The following SCN8A variants were observed in gnomAD, a reference collection of about 807,000 sequenced individuals.
SCN8A encodes the protein sodium channel protein type 8 subunit alpha.
A neutral mutation model predicts 184.1 loss-of-function variants in SCN8A; 30 were observed. The observed-to-expected ratio is 0.16, with a 90% confidence interval of 0.12 to 0.22. The LOEUF is 0.22. Ranked by LOEUF, SCN8A falls within the 10% of genes least tolerant of loss-of-function variation. SCN8A has a pLI of 1.00. For synonymous variants in SCN8A, 852 were observed against 907.0 expected, an observed-to-expected ratio of 0.94 and a Z score of 1.09; for missense variants, 1,057 against 2,498.9, an observed-to-expected ratio of 0.42 and a Z score of 12.30.
intron 10 of SCN8A, 112 bp from the exon 11 acceptor site, chr12:51,706,310 C>CT: frequency 1.8e-6 from 2 of 1,096,298 alleles, no homozygotes; most frequent in Non-Finnish European, 2.5e-6. Flanking sequence ...TTCCTGCCTC[C>CT]TTTTTTCCTC....
chr12:51,712,736 C>G (rs1941900335), intron 11 of SCN8A: 7 of 1,102,032 alleles, frequency 6.4e-6, no homozygotes, highest in Non-Finnish European at 8.3e-6. Flanking sequence ...GGTCCACCAC[C>G]ACCATAGCCC....
rs143074092 is a variant in SCN8A at position 51,611,148 on chromosome 12, C to T, written c.-55+19789C>T. Among the ~76,000 whole-genome samples, 718 of 151,810 alleles carry T rather than the reference C, an allele frequency of 4.7e-3. 3 individuals are homozygous for T. Among genetic ancestry groups the T allele is most frequent in the Admixed American group, 8.0e-3 (122 of 15,254 alleles). On this transcript the variant is annotated intron_variant, in intron 1 of 26. Transcript: ENST00000627620. Reference sequence around the variant, plus strand: ...CCTTTCATCAGCATCTTATAGTTTTCAGCCTATAGATTCTACATGTTTTGT... The same window carrying T: ...CCTTTCATCAGCATCTTATAGTTTTTAGCCTATAGATTCTACATGTTTTGT...
At chr12:51,701,822 T>C (rs1941694776) in intron 8 of SCN8A, among the ~76,000 whole-genome samples, 1 of 152,206 alleles carries the variant, frequency 6.6e-6, no homozygotes, top group South Asian at 2.1e-4. Flanking sequence ...AGTGTCATTT[T>C]GCAGAGTATA....
intron 20 of SCN8A, 59 bp from the exon 21 acceptor site, chr12:51,780,590 T>TG: frequency 1.2e-5 from 4 of 328,508 alleles, no homozygotes; most frequent in Non-Finnish European, 1.5e-5. Flanking sequence ...TTTTTTTTTT[T>TG]TTTTTTTTTT....
chr12:51,771,435 A>G (rs1158908349), intron 19 of SCN8A, among the ~76,000 whole-genome samples: 1 of 150,270 alleles, frequency 6.7e-6, no homozygotes, highest in Non-Finnish European at 1.5e-5. Context: ...TCTGGAAGCA[A>G]AAAAAAAAAC....
At chr12:51,657,493 GTTGT>G (rs1297496125) in intron 1 of SCN8A, among the ~76,000 whole-genome samples, 1 of 151,956 alleles carries the variant, frequency 6.6e-6, no homozygotes, top group Non-Finnish European at 1.5e-5. Flanking sequence ...GTCTTTTGCT[GTTGT>G]TTGAGTTCCT....
At chr12:51,659,522 T>C (rs377123997) in intron 1 of SCN8A, among the ~76,000 whole-genome samples, 3 of 152,338 alleles carry the variant, frequency 2.0e-5, no homozygotes, top group South Asian at 4.1e-4. Context: ...AGAGAAGCCA[T>C]AGAAGAGAAT....
At chr12:51,735,772 C>A (rs1942315426) in intron 12 of SCN8A, among the ~76,000 whole-genome samples, 1 of 152,168 alleles carries the variant, frequency 6.6e-6, no homozygotes, top group Non-Finnish European at 1.5e-5. Context: ...CCTGGAGTCT[C>A]TTCCTCGGCA....
chr12:51,791,215 C>T (rs146982564), intron 25 of SCN8A, among the ~76,000 whole-genome samples: 1 of 152,100 alleles, frequency 6.6e-6, no homozygotes, highest in Non-Finnish European at 1.5e-5. Flanking sequence ...CACAACACCA[C>T]CAAAAAAACC....
chr12:51,616,536 C>T (rs544520442), intron 1 of SCN8A, among the ~76,000 whole-genome samples: 13 of 151,518 alleles, frequency 8.6e-5, no homozygotes, highest in Admixed American at 5.3e-4. Context: ...CATTTGAACC[C>T]GGGAGGCGGA....
chr12:51,745,186 G>A (rs2138827367), intron 12 of SCN8A, among the ~76,000 whole-genome samples: 2 of 152,280 alleles, frequency 1.3e-5, no homozygotes, highest in South Asian at 2.1e-4. Flanking sequence ...ATAACAATCT[G>A]ATTATACTTT....
chr12:51,716,721 C>T (rs555564230), intron 11 of SCN8A, among the ~76,000 whole-genome samples: 24 of 152,248 alleles, frequency 1.6e-4, no homozygotes, highest in East Asian at 7.7e-4. Context: ...CATATTTCTC[C>T]GCAGTGACGC....
chr12:51,762,395 C>A, intron 14 of SCN8A, 108 bp from the exon 15 acceptor site: 2 of 1,048,056 alleles, frequency 1.9e-6, no homozygotes, highest in South Asian at 1.6e-5. Context: ...CAGAATTTAA[C>A]TAAGGTTAAC....
chr12:51,778,433 C>T (rs1430632804), intron 20 of SCN8A, among the ~76,000 whole-genome samples: 1 of 152,120 alleles, frequency 6.6e-6, no homozygotes, highest in Non-Finnish European at 1.5e-5. Context: ...TACAGGCATG[C>T]ACCACCACGC....
At chr12:51,620,394 T>C (rs1038154346) in intron 1 of SCN8A, among the ~76,000 whole-genome samples, 1 of 152,174 alleles carries the variant, frequency 6.6e-6, no homozygotes, top group Non-Finnish European at 1.5e-5. Context: ...AATAATGTGT[T>C]CTTTATATGG....
At chr12:51,666,191 C>G (rs1941029620) in intron 2 of SCN8A, among the ~76,000 whole-genome samples, 2 of 152,316 alleles carry the variant, frequency 1.3e-5, no homozygotes, top group East Asian at 3.9e-4. Context: ...AAAGATAAGA[C>G]TTATTTAACA....
intron 6 of SCN8A, among the ~76,000 whole-genome samples, chr12:51,698,181 C>T (rs1487395775): frequency 6.6e-6 from 1 of 152,126 alleles, no homozygotes; most frequent in African/African-American, 2.4e-5. Context: ...ATATGAACCA[C>T]ACTTAATCCT....
chr12:51,755,388 A>G (rs908800097), intron 14 of SCN8A, among the ~76,000 whole-genome samples: 5 of 152,092 alleles, frequency 3.3e-5, no homozygotes, highest in African/African-American at 1.2e-4. Flanking sequence ...TCCCTTTCAC[A>G]TGTCTTCTTC....
rs188672863 is a variant in SCN8A, at chr12:51,679,756, C to T, written c.277-4418C>T. ...TTTTTTTTTTTTTGAGACGGAGTCT[C>T]GCTCTGTTGCCCAGGCTGGAGTGCA... On this transcript the variant is annotated intron_variant, in intron 2 of 26. Transcript: ENST00000627620. Among the ~76,000 whole-genome samples the T allele has an allele frequency of 5.8e-3, 730 of 125,032 alleles. 9 individuals carry two copies. Among genetic ancestry groups the T allele is most frequent in the Middle Eastern group, 0.017 (3 of 172 alleles). 82.0% of individuals were successfully genotyped at this position (125,032 alleles called of 152,430 possible).
Sources: allele counts gnomAD v4.1 joint callset (sites outside exome capture counted in the v4.1 genomes callset), GRCh38; gene constraint gnomAD v4.1.1; transcripts MANE v1.5; gene names NCBI Gene and HGNC (gene_info 2026-07-23, HGNC 2026-07-21).